KCNIP4: variants seen among roughly 807,000 people sequenced by gnomAD.
The protein encoded by KCNIP4 is potassium voltage-gated channel interacting protein 4, also known as Kv channel-interacting protein 4.
KCNIP4 carries 12 observed loss-of-function variants against 34.0 expected under a neutral mutation model. The ratio of observed to expected loss-of-function variants is 0.35; its 90% confidence interval spans 0.23 to 0.57. The LOEUF (loss-of-function observed/expected upper bound fraction) is 0.57, where lower values mean the gene tolerates loss of function less well. Ranked by LOEUF, KCNIP4 falls within the 20% of genes least tolerant of loss-of-function variation. The probability of loss-of-function intolerance (pLI) is 0.83; values close to 1 mark genes in which losing one functional copy is unlikely to be tolerated. For synonymous variants in KCNIP4, 124 were observed against 102.2 expected (o/e 1.21, Z -1.29); for missense variants, 238 against 311.7 (o/e 0.76, Z 1.78).
chr4:21,209,069 G>A (rs1371486812), intron 1 of KCNIP4, among the ~76,000 whole-genome samples: 4 of 152,090 alleles, frequency 2.6e-5, no homozygotes, highest in African/African-American at 9.7e-5. Flanking sequence ...AATTCAAGAT[G>A]AGATTTTGGG....
In KCNIP4 at chr4:21,141,233, A is replaced by T. The variant is rs184259627; in HGVS notation, c.62-258524T>A. Among the ~76,000 whole-genome samples, 623 of 152,294 alleles carry T rather than the reference A, an allele frequency of 4.1e-3. 2 individuals are homozygous for T. Among genetic ancestry groups the T allele is most frequent in the Middle Eastern group, 0.024 (7 of 294 alleles). On this transcript the variant is annotated intron_variant, in intron 1 of 8. Coordinates refer to ENST00000382152, the MANE Select transcript of KCNIP4 (RefSeq NM_025221.6). Reference sequence around the variant, plus strand: ...TGAAGTGAGTACATACTGTTGGAAAAATGGCACTGATAGACTCGTTCAATG... The same window carrying T: ...TGAAGTGAGTACATACTGTTGGAAATATGGCACTGATAGACTCGTTCAATG...
intron 1 of KCNIP4, among the ~76,000 whole-genome samples, chr4:21,647,857 A>G (rs1747138520): frequency 7.1e-6 from 1 of 141,012 alleles, no homozygotes; most frequent in Non-Finnish European, 1.5e-5. Flanking sequence ...TTCTGCTACA[A>G]TGATGCTTTT....
At position 20,747,135 on chromosome 4, in the gene KCNIP4, T is replaced by C. The variant is rs180819018; in HGVS notation, c.429+2527A>G. On this transcript the variant is annotated intron_variant, in intron 5 of 8. Transcript: ENST00000382152. ...AATTATAATCAACGTTCATTGCAATTACTGGTATTTTACATAAATATTATA... is the reference window on the plus strand; with the variant it reads ...AATTATAATCAACGTTCATTGCAATCACTGGTATTTTACATAAATATTATA... Among the ~76,000 whole-genome samples the C allele has an allele frequency of 1.3e-4, 20 of 152,296 alleles. No homozygotes were observed. In the East Asian group the frequency reaches 3.7e-3, roughly 28 times the overall value.
intron 1 of KCNIP4, among the ~76,000 whole-genome samples, chr4:21,173,760 G>A (rs547140324): frequency 6.6e-6 from 1 of 152,148 alleles, no homozygotes; most frequent in African/African-American, 2.4e-5. Flanking sequence ...ATCTCTGGCA[G>A]AACTGTCGGG....
chr4:21,636,466 G>T (rs552912617), intron 1 of KCNIP4, among the ~76,000 whole-genome samples: 1 of 152,202 alleles, frequency 6.6e-6, no homozygotes, highest in Admixed American at 6.5e-5. Flanking sequence ...CCTATGTGAA[G>T]AGCTGCCAAG....
rs35062040 is a variant in KCNIP4 at position 21,933,052 on chromosome 4, GA to G, written c.61+15518del. Among the ~76,000 whole-genome samples, 140 of 100,002 alleles carry G rather than the reference GA, an allele frequency of 1.4e-3. 1 individual carries two copies. Among genetic ancestry groups the G allele is most frequent in the Admixed American group, 4.1e-3 (42 of 10,186 alleles). 65.6% of individuals were successfully genotyped at this position (100,002 alleles called of 152,430 possible). A position where few individuals can be genotyped will look rare whatever the true frequency, so the allele number is the denominator to read the frequency against. ...GCAAAGCAGAAAAGAAAAGGTAAAC[GA>G]AAAAAAAAAAAAAACAGAACACCAA... On this transcript the variant is annotated intron_variant, in intron 1 of 8. Coordinates refer to ENST00000382152, the MANE Select transcript of KCNIP4 (RefSeq NM_025221.6).
intron 1 of KCNIP4, among the ~76,000 whole-genome samples, chr4:21,610,987 G>A (rs1744115297): frequency 6.6e-6 from 1 of 151,808 alleles, no homozygotes; most frequent in Non-Finnish European, 1.5e-5. Flanking sequence ...CCCCCTGACA[G>A]GCCCCAGTGT....
chr4:21,477,109 A>T (rs977249236), intron 1 of KCNIP4, among the ~76,000 whole-genome samples: 5 of 152,188 alleles, frequency 3.3e-5, no homozygotes, highest in African/African-American at 1.2e-4. Context: ...TCAGTGTTAC[A>T]GTTCTGATCC....
chr4:20,970,706 T>C (rs1734844555), intron 1 of KCNIP4, among the ~76,000 whole-genome samples: 1 of 152,148 alleles, frequency 6.6e-6, no homozygotes, highest in Non-Finnish European at 1.5e-5. Flanking sequence ...AGTGCCAAGG[T>C]TGAGAATCCC....
chr4:21,747,406 C>T (rs17497900), intron 1 of KCNIP4, among the ~76,000 whole-genome samples: 13,898 of 152,186 alleles, frequency 0.091, 674 homozygotes, highest in Middle Eastern at 0.18. Flanking sequence ...GAGACACTAC[C>T]TTTCTGCTGC....
At chr4:21,542,212 C>T (rs879557059) in intron 1 of KCNIP4, among the ~76,000 whole-genome samples, 3 of 152,092 alleles carry the variant, frequency 2.0e-5, no homozygotes, top group Non-Finnish European at 2.9e-5. Context: ...GCCAACTCAT[C>T]TAGTGTCATA....
chr4:21,135,630 G>A (rs1035361618), intron 1 of KCNIP4, among the ~76,000 whole-genome samples: 7 of 152,118 alleles, frequency 4.6e-5, no homozygotes, highest in South Asian at 2.1e-4. Flanking sequence ...CTACATATAC[G>A]TACAATCTAT....
In KCNIP4 at chr4:21,535,349, G is replaced by A. The variant is rs142395297; in HGVS notation, c.61+413222C>T. Reference sequence around the variant, plus strand: ...GGAGAGAGTTAAATAAGGTATTTTCGACATATGTTTTCAATGAAGCATGAA... The same window carrying A: ...GGAGAGAGTTAAATAAGGTATTTTCAACATATGTTTTCAATGAAGCATGAA... On this transcript the variant is annotated intron_variant, in intron 1 of 8. Transcript: ENST00000382152. Among the ~76,000 whole-genome samples, 77 of 152,240 alleles carry A rather than the reference G, an allele frequency of 5.1e-4. No homozygotes were observed. In the East Asian group the frequency reaches 8.7e-3, roughly 17 times the overall value.
chr4:21,084,674 CT>C (rs2109027483), intron 1 of KCNIP4, among the ~76,000 whole-genome samples: 1 of 150,568 alleles, frequency 6.6e-6, no homozygotes, highest in East Asian at 1.9e-4. Context: ...GCATTTTTTT[CT>C]AGAATATATA....
chr4:21,793,414 T>C (rs193037877), intron 1 of KCNIP4, among the ~76,000 whole-genome samples: 3,308 of 146,868 alleles, frequency 0.023, 239 homozygotes, highest in East Asian at 0.16. Flanking sequence ...TGTGCCACCA[T>C]GCCCGGCTAA....
At chr4:20,753,221 C>T (rs890079204) in intron 4 of KCNIP4, among the ~76,000 whole-genome samples, 1 of 152,018 alleles carries the variant, frequency 6.6e-6, no homozygotes, top group South Asian at 2.1e-4. Flanking sequence ...ACTGAGGTCA[C>T]CTAGTTAGTT....
intron 1 of KCNIP4, among the ~76,000 whole-genome samples, chr4:21,714,099 C>T (rs931462050): frequency 1.3e-5 from 2 of 152,034 alleles, no homozygotes; most frequent in Admixed American, 6.6e-5. Flanking sequence ...GTTTAATATA[C>T]TCCAAAAATA....
intron 1 of KCNIP4, among the ~76,000 whole-genome samples, chr4:21,245,412 A>G (rs958738079): frequency 1.3e-5 from 2 of 152,196 alleles, no homozygotes; most frequent in African/African-American, 4.8e-5. Context: ...AAATTTAAAT[A>G]TAAGCTCCAT....
intron 3 of KCNIP4, among the ~76,000 whole-genome samples, chr4:20,838,462 G>T (rs1363203701): frequency 6.6e-6 from 1 of 152,100 alleles, no homozygotes. Context: ...TTCTCCTTTT[G>T]CATTTATATA....
Sources: allele counts gnomAD v4.1 joint callset (sites outside exome capture counted in the v4.1 genomes callset), GRCh38; gene constraint gnomAD v4.1.1; transcripts MANE v1.5; gene names NCBI Gene and HGNC (gene_info 2026-07-23, HGNC 2026-07-21).